Variants in CACNG3 observed in about 807,000 individuals in gnomAD.
CACNG3 encodes the protein calcium voltage-gated channel auxiliary subunit gamma 3.
CACNG3 carries 3 observed loss-of-function variants against 28.5 expected under a neutral mutation model. The ratio of observed to expected loss-of-function variants is 0.11; its 90% CI spans 0.05 to 0.27. The LOEUF (loss-of-function observed/expected upper bound fraction) is 0.27. CACNG3 is among the 10% of genes least tolerant of loss of function. CACNG3 has a pLI of 1.00. For missense variants in CACNG3, 236 were observed against 414.4 expected, an observed-to-expected ratio of 0.57 and a Z score of 3.74; for synonymous variants, 174 against 162.2, an observed-to-expected ratio of 1.07 and a Z score of -0.55.
At chr16:24,341,362 T>G (rs545066503) in intron 1 of CACNG3, among the ~76,000 whole-genome samples, 1 of 151,144 alleles carries the variant, frequency 6.6e-6, no homozygotes, top group South Asian at 2.1e-4. Flanking sequence ...TTTCCTTCTA[T>G]ATTGCTTCTT....
intron 1 of CACNG3, among the ~76,000 whole-genome samples, chr16:24,331,568 G>A (rs1303898101): frequency 6.6e-6 from 1 of 152,120 alleles, no homozygotes; most frequent in East Asian, 1.9e-4. Context: ...CATGCAAAGA[G>A]ATTTCTTACA....
At chr16:24,308,055 C>A (rs1310568626) in intron 1 of CACNG3, among the ~76,000 whole-genome samples, 1 of 152,182 alleles carries the variant, frequency 6.6e-6, no homozygotes, top group East Asian at 1.9e-4. Flanking sequence ...GACGGGCTGA[C>A]TCCCCCACGG....
At chr16:24,297,817 G>A (rs1899052229) in intron 1 of CACNG3, among the ~76,000 whole-genome samples, 1 of 152,010 alleles carries the variant, frequency 6.6e-6, no homozygotes, top group Non-Finnish European at 1.5e-5. Flanking sequence ...TCCTAGACGT[G>A]GTCAGCAAGA....
rs1273746959 is a variant in CACNG3 at position 24,361,597 on chromosome 16, A to G, written c.682A>G (p.Arg228Gly). ...TACTTTTGCCCGCCTCCCACCCTAC[A>G]GGTATCGATTCCGGAGGCGGTCAAG... ...KSTFARLPPY[R>G]YRFRRRSSSR... The change falls in exon 4 of 4, where the codon AGG (arginine) becomes GGG (glycine). Residue 228 changes from arginine to glycine, a missense_variant. By Grantham distance (125) the Arg-to-Gly change is moderately radical. Transcript: ENST00000005284. This position sits in a 1 kb window ranked among gnomAD's most constrained non-coding sequence, Gnocchi z 6.8. The G allele has an allele frequency of 1.2e-6, 2 of 1,613,616 alleles. No homozygotes were observed. Among genetic ancestry groups the G allele is most frequent in the Non-Finnish European group, 1.7e-6 (2 of 1,179,852 alleles).
intron 1 of CACNG3, among the ~76,000 whole-genome samples, chr16:24,318,487 C>T (rs1899416827): frequency 1.3e-5 from 2 of 152,150 alleles, no homozygotes; most frequent in Non-Finnish European, 2.9e-5. Context: ...TTACCGCACC[C>T]GGCCTGTATA....
intron 1 of CACNG3, among the ~76,000 whole-genome samples, chr16:24,331,989 G>A (rs2141373969): frequency 6.6e-6 from 1 of 152,196 alleles, no homozygotes; most frequent in South Asian, 2.1e-4. Context: ...ACTTACCACT[G>A]AAATTATCTT....
chr16:24,351,685 G>GAAA (rs1567225397), intron 2 of CACNG3, among the ~76,000 whole-genome samples: 1 of 40,976 alleles, frequency 2.4e-5, no homozygotes, highest in Non-Finnish European at 6.0e-5. Context: ...AAAGAAAGAA[G>GAAA]GAAAGAAAGA....
chr16:24,308,910 G>T (rs2141363594), intron 1 of CACNG3, among the ~76,000 whole-genome samples: 1 of 140,006 alleles, frequency 7.1e-6, no homozygotes. Flanking sequence ...ATTATCATTA[G>T]TAAAAGTGAA....
At chr16:24,355,939 G>T (rs1412703320) in intron 3 of CACNG3, among the ~76,000 whole-genome samples, 1 of 152,140 alleles carries the variant, frequency 6.6e-6, no homozygotes, top group Non-Finnish European at 1.5e-5. Context: ...GAAGGCACAG[G>T]GTGGCAAGGA....
intron 1 of CACNG3, among the ~76,000 whole-genome samples, chr16:24,330,371 C>T (rs1899615895): frequency 6.6e-6 from 1 of 152,244 alleles, no homozygotes; most frequent in Admixed American, 6.5e-5. Flanking sequence ...AAACCTTCCA[C>T]ATCCCCAAAC....
At chr16:24,323,203 G>A (rs1899487944) in intron 1 of CACNG3, among the ~76,000 whole-genome samples, 2 of 127,710 alleles carry the variant, frequency 1.6e-5, no homozygotes, top group South Asian at 5.0e-4. Flanking sequence ...TTCAGCCTGG[G>A]CCACAGAGCA....
intron 1 of CACNG3, among the ~76,000 whole-genome samples, chr16:24,289,408 T>C (rs1898937313): frequency 1.3e-5 from 2 of 152,214 alleles, no homozygotes; most frequent in South Asian, 4.1e-4. Flanking sequence ...TAGCATTTTG[T>C]AGGCTTTTAT....
At chr16:24,341,149 A>G (rs1370705976) in intron 1 of CACNG3, among the ~76,000 whole-genome samples, 1 of 152,272 alleles carries the variant, frequency 6.6e-6, no homozygotes, top group African/African-American at 2.4e-5. Context: ...CCAGTTTTGT[A>G]AAGCCATTTG....
At chr16:24,309,986 G>T (rs1402680190) in intron 1 of CACNG3, among the ~76,000 whole-genome samples, 1 of 152,186 alleles carries the variant, frequency 6.6e-6, no homozygotes. Context: ...AAGCCATGGA[G>T]TCATGTGAAG....
At chr16:24,305,857 G>C (rs1899178841) in intron 1 of CACNG3, among the ~76,000 whole-genome samples, 1 of 152,078 alleles carries the variant, frequency 6.6e-6, no homozygotes, top group Non-Finnish European at 1.5e-5. Context: ...ATTTTATAGA[G>C]ATGAGGTCTT....
At chr16:24,261,622 A>C (rs796726711) in intron 1 of CACNG3, among the ~76,000 whole-genome samples, 11 of 152,282 alleles carry the variant, frequency 7.2e-5, no homozygotes, top group African/African-American at 2.6e-4. Context: ...TTCCTGAATT[A>C]CTCTTTATTA....
At chr16:24,266,902 G>A (rs576622656) in intron 1 of CACNG3, among the ~76,000 whole-genome samples, 1 of 152,196 alleles carries the variant, frequency 6.6e-6, no homozygotes, top group African/African-American at 2.4e-5. Context: ...TGGAGAGAGA[G>A]AGGATGGGCC....
At chr16:24,277,461 G>A (rs1395962942) in intron 1 of CACNG3, among the ~76,000 whole-genome samples, 6 of 152,204 alleles carry the variant, frequency 3.9e-5, no homozygotes, top group Admixed American at 1.3e-4. Flanking sequence ...CAGGAGTACC[G>A]AGGTTGAGAA....
At chr16:24,303,208 T>C in intron 1 of CACNG3, among the ~76,000 whole-genome samples, 1 of 152,166 alleles carries the variant, frequency 6.6e-6, no homozygotes, top group Non-Finnish European at 1.5e-5. Context: ...CATTCCTCGC[T>C]GTCTCCTCTA....
Sources: gnomAD v4.1 joint callset for allele counts (sites outside exome capture counted in the v4.1 genomes callset) on GRCh38, gnomAD v4.1.1 for gene constraint, Gnocchi (gnomAD v3.1) non-coding constraint, MANE v1.5 for transcripts, NCBI Gene and HGNC (gene_info 2026-07-23, HGNC 2026-07-21) for gene names.